The following RANBP17 variants were observed in gnomAD, a reference collection of about 807,000 sequenced individuals.
RANBP17 encodes ran-binding protein 17.
RANBP17 carries 158 observed loss-of-function variants against 141.2 expected under a neutral mutation model. The ratio of observed to expected loss-of-function variants is 1.12; its 90% CI spans 0.98 to 1.28. The LOEUF (loss-of-function observed/expected upper bound fraction) is 1.28. RANBP17 is among the 50% of genes most tolerant of loss of function. RANBP17 has a pLI of 0.00. For synonymous variants in RANBP17, 430 were observed against 450.0 expected (o/e 0.96, Z 0.56); for missense variants, 1,438 against 1,290.7 (o/e 1.11, Z -1.75).
At chr5:171,203,999 G>T (rs910438855) in intron 19 of RANBP17, among the ~76,000 whole-genome samples, 15 of 152,110 alleles carry the variant, frequency 9.9e-5, no homozygotes, top group African/African-American at 3.6e-4. Flanking sequence ...GTGAAAAGCT[G>T]AGAAAGAGAG....
At chr5:170,992,022 A>T (rs1778542135) in intron 14 of RANBP17, among the ~76,000 whole-genome samples, 2 of 151,998 alleles carry the variant, frequency 1.3e-5, no homozygotes, top group South Asian at 4.1e-4. Context: ...GTTGTTTCCT[A>T]ATACCAGGCA....
At chr5:171,290,305 G>C (rs189635671) in intron 25 of RANBP17, among the ~76,000 whole-genome samples, 3 of 151,728 alleles carry the variant, frequency 2.0e-5, no homozygotes, top group African/African-American at 7.3e-5. Flanking sequence ...GGAGGCGGAG[G>C]TGCAGTGAGC....
intron 22 of RANBP17, among the ~76,000 whole-genome samples, chr5:171,225,094 T>A (rs893573699): frequency 1.3e-5 from 2 of 152,180 alleles, no homozygotes; most frequent in African/African-American, 4.8e-5. Context: ...TTAAAAAAAA[T>A]TGCCAAATAT....
rs747201855 is a variant in RANBP17, at chr5:170,924,564, A to T, written c.1468+14A>T. 2 of 1,516,828 alleles carry T rather than the reference A, an allele frequency of 1.3e-6. No individual in the cohort carries two copies. The highest frequency in any genetic ancestry group is 9.1e-7 in the Non-Finnish European group (1 of 1,095,876). The allele number at this position is 1,516,828 out of a possible 1,614,324, so 94.0% of individuals were successfully genotyped here. A position where few individuals can be genotyped will look rare whatever the true frequency, so the allele number is the denominator to read the frequency against. ...CCATTCAGGAAGGTCAGTAAACTTTATATGACTACTGAGTATTATGTTGAA... is the reference window on the plus strand; with the variant it reads ...CCATTCAGGAAGGTCAGTAAACTTTTTATGACTACTGAGTATTATGTTGAA... On this transcript the variant is annotated intron_variant, in intron 12 of 27. Coordinates refer to ENST00000523189, the MANE Select transcript of RANBP17 (RefSeq NM_022897.5).
At chr5:170,922,930 T>C (rs976144779) in intron 11 of RANBP17, among the ~76,000 whole-genome samples, 2 of 152,318 alleles carry the variant, frequency 1.3e-5, no homozygotes, top group African/African-American at 4.8e-5. Context: ...AGACCAGAGC[T>C]GTTCCTATTT....
chr5:171,177,383 C>T (rs150995820), intron 16 of RANBP17, among the ~76,000 whole-genome samples: 1 of 152,292 alleles, frequency 6.6e-6, no homozygotes, highest in East Asian at 1.9e-4. Context: ...ATCTCTTCCA[C>T]CTGCTTCTTA....
chr5:170,937,789 A>G (rs1191300328), intron 12 of RANBP17, among the ~76,000 whole-genome samples: 1 of 152,170 alleles, frequency 6.6e-6, no homozygotes, highest in Non-Finnish European at 1.5e-5. Flanking sequence ...ATTAATTTGG[A>G]TTATGTTATT....
At chr5:170,904,337 G>T in intron 5 of RANBP17, 1 of 224,812 alleles carries the variant, frequency 4.4e-6, no homozygotes, top group Non-Finnish European at 9.2e-6. Context: ...AGGCATGGAA[G>T]AAAGCTATTT....
Position 170,956,900 on chromosome 5 carries a change from TCTCTA to T in RANBP17, c.1574+3201_1574+3205del, listed in dbSNP as rs754147803. Among the ~76,000 whole-genome samples, 18 of 151,660 alleles carry T rather than the reference TCTCTA, an allele frequency of 1.2e-4. No homozygotes were observed. The East Asian group carries it at 1.4e-3, about 12-fold the overall frequency. On this transcript the variant is annotated intron_variant, in intron 13 of 27. Coordinates refer to ENST00000523189, the MANE Select transcript of RANBP17 (RefSeq NM_022897.5). ...TCCTGGCTAACACGGTGAAACCCCG[TCTCTA>T]CTAAAAATACAAAAATTAGCCAGGT...
At chr5:171,057,659 T>C (rs1195769127) in intron 14 of RANBP17, among the ~76,000 whole-genome samples, 1 of 76,914 alleles carries the variant, frequency 1.3e-5, no homozygotes, top group Non-Finnish European at 3.3e-5. Flanking sequence ...TGATAATTTA[T>C]AAAGCTTCAT....
At chr5:171,190,213 G>A (rs1333839551) in intron 18 of RANBP17, among the ~76,000 whole-genome samples, 2 of 152,124 alleles carry the variant, frequency 1.3e-5, no homozygotes, top group Admixed American at 6.6e-5. Context: ...ACATTAATTG[G>A]TATTTACTTT....
In RANBP17 at chr5:171,205,647, T is replaced by G. The variant is rs749627728; in HGVS notation, c.2231+35T>G. 2.6e-6 allele frequency: 4 copies of G among 1,527,176 alleles called. No homozygotes were observed. The East Asian group carries it at 9.0e-5, about 34-fold the overall frequency. 94.6% of individuals were successfully genotyped at this position (1,527,176 alleles called of 1,614,324 possible). A position where few individuals can be genotyped will look rare whatever the true frequency, so the allele number is the denominator to read the frequency against. On this transcript the variant is annotated intron_variant, in intron 20 of 27. Coordinates refer to ENST00000523189, the MANE Select transcript of RANBP17 (RefSeq NM_022897.5). ...TTACACTGTGACAATACCAGCTCTG[T>G]GCACAGAGGGATGCCAGGCCCCTCG...
chr5:170,918,811 T>C lies in RANBP17; in HGVS notation c.1053T>C (p.Tyr351=), dbSNP rs1390632436. 1 of 1,598,488 alleles carries C rather than the reference T, an allele frequency of 6.3e-7. No homozygotes were observed. Among genetic ancestry groups the C allele is most frequent in the Non-Finnish European group, 8.5e-7 (1 of 1,171,274 alleles). ...QLGELVMVKE[Y]PEVIRLIANF... ...GAGAATTAGTTATGGTGAAGGAATATCCTGAAGTTATTAGATTGATTGCTA... is the reference window on the plus strand; with the variant it reads ...GAGAATTAGTTATGGTGAAGGAATACCCTGAAGTTATTAGATTGATTGCTA... The change falls in exon 10 of 28, where the codon TAT becomes TAC. Residue 351 remains tyrosine, a synonymous_variant. Transcript: ENST00000523189.
intron 14 of RANBP17, among the ~76,000 whole-genome samples, chr5:170,984,194 A>G (rs1046742171): frequency 1.3e-5 from 2 of 152,182 alleles, no homozygotes; most frequent in African/African-American, 2.4e-5. Flanking sequence ...GGTACAGCAA[A>G]TTCAGGTCTC....
chr5:171,147,339 TTGTGTGTGTGTGTG>T lies in RANBP17; in HGVS notation c.1711-22762_1711-22749del, dbSNP rs59202388. On this transcript the variant is annotated intron_variant, in intron 14 of 27. Coordinates refer to ENST00000523189, the MANE Select transcript of RANBP17 (RefSeq NM_022897.5). ...ATGTAATCATCTTTTCTTGGTTGTT[TTGTGTGTGTGTGTG>T]TGTGTGTGTGTGTGTGTGTGTGTGT... Among the ~76,000 whole-genome samples, 522 of 104,854 alleles carry T rather than the reference TTGTGTGTGTGTGTG, an allele frequency of 5.0e-3. 5 individuals carry two copies. Among genetic ancestry groups the T allele is most frequent in the African/African-American group, 0.017 (501 of 29,564 alleles). The allele number at this position is 104,854 out of a possible 152,430, so 68.8% of individuals were successfully genotyped here.
intron 12 of RANBP17, among the ~76,000 whole-genome samples, chr5:170,931,439 T>G (rs1477636073): frequency 1.3e-5 from 2 of 152,246 alleles, no homozygotes; most frequent in African/African-American, 4.8e-5. Context: ...ATTTTGTCTT[T>G]TGTTGCCATT....
intron 14 of RANBP17, among the ~76,000 whole-genome samples, chr5:170,972,412 G>T (rs1777056726): frequency 6.6e-6 from 1 of 151,992 alleles, no homozygotes; most frequent in Admixed American, 6.6e-5. Flanking sequence ...TCGAACTCCT[G>T]ACCTCAGGTG....
At chr5:171,270,825 ACACCTTC>A in intron 25 of RANBP17, among the ~76,000 whole-genome samples, 2 of 152,230 alleles carry the variant, frequency 1.3e-5, no homozygotes, top group Admixed American at 1.3e-4. Flanking sequence ...AGAAAGAGTA[ACACCTTC>A]CACAGAAATT....
At chr5:171,219,978 G>T (rs1665550303) in intron 21 of RANBP17, among the ~76,000 whole-genome samples, 1 of 151,916 alleles carries the variant, frequency 6.6e-6, no homozygotes, top group Non-Finnish European at 1.5e-5. Flanking sequence ...AGGCATTCTG[G>T]TTTTTGGAAT....
Sources: gnomAD v4.1 joint callset for allele counts (sites outside exome capture counted in the v4.1 genomes callset) on GRCh38, gnomAD v4.1.1 for gene constraint, MANE v1.5 for transcripts, NCBI Gene and HGNC (gene_info 2026-07-23, HGNC 2026-07-21) for gene names.